ALG9: variants seen among roughly 807,000 people sequenced by gnomAD.
The protein encoded by ALG9 is ALG9 alpha-1,2-mannosyltransferase.
ALG9 carries 55 observed loss-of-function variants against 81.8 expected under a neutral mutation model. The ratio of observed to expected loss-of-function variants is 0.67; its 90% CI spans 0.54 to 0.84. ALG9 has a LOEUF of 0.84. ALG9 is among the 40% of genes least tolerant of loss of function. The pLI, the probability that ALG9 is intolerant of heterozygous loss-of-function variation, is 0.00. For synonymous variants in ALG9, 278 were observed against 274.3 expected (o/e 1.01, Z -0.13); for missense variants, 629 against 745.0 (o/e 0.84, Z 1.81).
intron 6 of ALG9, among the ~76,000 whole-genome samples, chr11:111,856,962 C>A (rs879946091): frequency 1.3e-5 from 2 of 152,132 alleles, no homozygotes; most frequent in Non-Finnish European, 2.9e-5. Flanking sequence ...ACAAAATTAG[C>A]CAGGTGTGGT....
At chr11:111,827,816 G>C (rs956113029) in intron 13 of ALG9, among the ~76,000 whole-genome samples, 3 of 149,852 alleles carry the variant, frequency 2.0e-5, no homozygotes, top group Admixed American at 6.7e-5. Context: ...GCAGTGAGCT[G>C]AGATTATGCC....
At chr11:111,841,676 G>A (rs549163502) in intron 9 of ALG9, among the ~76,000 whole-genome samples, 3 of 152,282 alleles carry the variant, frequency 2.0e-5, no homozygotes, top group African/African-American at 7.2e-5. Context: ...TTAACAGTAA[G>A]CCAGTTTACA....
intron 13 of ALG9, chr11:111,829,010 A>T (rs1321515469): frequency 1.3e-5 from 2 of 152,114 alleles, no homozygotes; most frequent in East Asian, 3.9e-4. Flanking sequence ...GAAAACACCA[A>T]CTGTCTACTG....
chr11:111,861,546 A>G (rs568333948), intron 4 of ALG9, among the ~76,000 whole-genome samples: 77 of 152,256 alleles, frequency 5.1e-4, no homozygotes, highest in African/African-American at 1.8e-3. Context: ...GTCATAGCTC[A>G]CTGTATCCTT....
At position 111,816,309 on chromosome 11, in the gene ALG9, A is replaced by G. The variant is rs1474641552; in HGVS notation, c.1603-6536T>C. Among the ~76,000 whole-genome samples, 6 of 152,312 alleles carry G rather than the reference A, an allele frequency of 3.9e-5. No homozygotes were observed. The South Asian group carries it at 1.2e-3, about 32-fold the overall frequency. ...TATAAAATTACATATAAGTCATAAC[A>G]TGTCCTTGTTCTTTTCTTTTGCTCA... On this transcript the variant is annotated intron_variant, in intron 13 of 14. Transcript: ENST00000616540.
At chr11:111,803,969 C>T (rs146310920) in intron 14 of ALG9, among the ~76,000 whole-genome samples, 12 of 151,704 alleles carry the variant, frequency 7.9e-5, no homozygotes, top group East Asian at 7.8e-4. Context: ...CCCGTCTCTA[C>T]TAAAAATACC....
the ALG9 span, among the ~76,000 whole-genome samples, chr11:111,775,546 C>T: frequency 2.6e-5 from 4 of 152,130 alleles, no homozygotes; most frequent in Non-Finnish European, 1.5e-5. Context: ...TACTGTTCTA[C>T]TAGGACACTC....
At chr11:111,820,470 C>T (rs565655267) in intron 13 of ALG9, among the ~76,000 whole-genome samples, 45 of 152,098 alleles carry the variant, frequency 3.0e-4, no homozygotes, top group Non-Finnish European at 5.6e-4. Flanking sequence ...CACTGACTCT[C>T]GAGATAAACC....
intron 13 of ALG9, chr11:111,817,487 G>C (rs1592021891): frequency 6.6e-6 from 1 of 152,218 alleles, no homozygotes; most frequent in Non-Finnish European, 1.5e-5. Context: ...GGGAGACAGA[G>C]CGAGACTCTG....
chr11:111,810,426 T>C lies in ALG9; in HGVS notation c.1603-653A>G, dbSNP rs143467620. Among the ~76,000 whole-genome samples, 283 of 152,284 alleles carry C rather than the reference T, an allele frequency of 1.9e-3. 2 individuals carry two copies. Among genetic ancestry groups the C allele is most frequent in the African/African-American group, 6.4e-3 (265 of 41,544 alleles). On this transcript the variant is annotated intron_variant, in intron 13 of 14. Coordinates refer to ENST00000616540, the MANE Select transcript of ALG9 (RefSeq NM_024740.2). ...ATAACATGGATACATCAGAATATTG[T>C]AGATGCTCAAAGGAAAATATTAAAA...
At chr11:111,789,857 T>A (rs527950969) in intron 14 of ALG9, among the ~76,000 whole-genome samples, 1 of 149,340 alleles carries the variant, frequency 6.7e-6, no homozygotes, top group South Asian at 2.1e-4. Flanking sequence ...AAACAGAGGG[T>A]CAATTGGACT....
At chr11:111,798,282 A>G in intron 14 of ALG9, 1 of 221,360 alleles carries the variant, frequency 4.5e-6, no homozygotes, top group Non-Finnish European at 9.5e-6. Context: ...GACAAAAGGG[A>G]CATATAATGA....
intron 4 of ALG9, among the ~76,000 whole-genome samples, chr11:111,861,804 GA>G (rs1230447624): frequency 3.3e-5 from 5 of 150,928 alleles, no homozygotes; most frequent in African/African-American, 1.2e-4. Context: ...TTTTTAAACT[GA>G]AAAGTCTGTA....
chr11:111,834,203 G>C (rs1954843789), intron 13 of ALG9, among the ~76,000 whole-genome samples: 1 of 152,224 alleles, frequency 6.6e-6, no homozygotes, highest in Admixed American at 6.5e-5. Flanking sequence ...AGGAAGGTCT[G>C]CTCAATATGG....
downstream of ALG9, among the ~76,000 whole-genome samples, chr11:111,780,246 T>G (rs1355992987): frequency 6.6e-6 from 1 of 152,160 alleles, no homozygotes; most frequent in African/African-American, 2.4e-5. Flanking sequence ...GTACCCTTTC[T>G]CTCTTTTTAG....
chr11:111,772,306 G>C, the ALG9 span, among the ~76,000 whole-genome samples: 1 of 151,884 alleles, frequency 6.6e-6, no homozygotes, highest in African/African-American at 2.4e-5. Context: ...CCTGACTGTA[G>C]TACCAGTTAT....
chr11:111,861,898 A>G (rs993790659), intron 4 of ALG9, among the ~76,000 whole-genome samples: 6 of 152,096 alleles, frequency 3.9e-5, no homozygotes, highest in African/African-American at 1.2e-4. Context: ...CTTTGAAGAT[A>G]TTCTTTTTTG....
chr11:111,855,739 C>T (rs1191922052), intron 6 of ALG9, among the ~76,000 whole-genome samples: 4 of 152,190 alleles, frequency 2.6e-5, no homozygotes, highest in African/African-American at 9.6e-5. Flanking sequence ...AGACATTAAG[C>T]TATGGGAATC....
intron 14 of ALG9, chr11:111,788,474 T>C: frequency 2.2e-6 from 1 of 454,078 alleles, no homozygotes; most frequent in South Asian, 1.6e-5. Context: ...CCAGGCACGG[T>C]GGCTCAGGCC....
Sources: allele counts gnomAD v4.1 joint callset (sites outside exome capture counted in the v4.1 genomes callset), GRCh38; gene constraint gnomAD v4.1.1; transcripts MANE v1.5; gene names NCBI Gene and HGNC (gene_info 2026-07-23, HGNC 2026-07-21).